EXOC4: variants seen among roughly 807,000 people sequenced by gnomAD.
The protein encoded by EXOC4 is SEC8-like 1.
EXOC4 carries 71 observed loss-of-function variants against 107.2 expected under a neutral mutation model. The observed-to-expected ratio is 0.66, with a 90% CI of 0.55 to 0.81. The LOEUF (loss-of-function observed/expected upper bound fraction) is 0.81, where lower values mean the gene tolerates loss of function less well. EXOC4 is among the 30% of genes least tolerant of loss of function. The probability of loss-of-function intolerance (pLI) is 0.00; values close to 1 mark genes in which losing one functional copy is unlikely to be tolerated. For missense variants in EXOC4, 1,108 were observed against 1,189.6 expected, an observed-to-expected ratio of 0.93 and a Z score of 1.01; for synonymous variants, 456 against 441.2, an observed-to-expected ratio of 1.03 and a Z score of -0.42.
intron 14 of EXOC4, among the ~76,000 whole-genome samples, chr7:133,946,291 A>G (rs1055574725): frequency 6.6e-6 from 1 of 152,168 alleles, no homozygotes; most frequent in African/African-American, 2.4e-5. Context: ...TTTCATGATC[A>G]TGCTGTTGAC....
intron 5 of EXOC4, among the ~76,000 whole-genome samples, chr7:133,329,835 A>C (rs1795337732): frequency 6.6e-6 from 1 of 152,110 alleles, no homozygotes; most frequent in African/African-American, 2.4e-5. Flanking sequence ...TGCCAGCCAG[A>C]GCTCTCCTTT....
chr7:133,708,706 A>T (rs2151093992), intron 10 of EXOC4, among the ~76,000 whole-genome samples: 1 of 152,354 alleles, frequency 6.6e-6, no homozygotes, highest in Admixed American at 6.5e-5. Flanking sequence ...GTTGCTGAAG[A>T]TTACACAGCT....
intron 13 of EXOC4, chr7:133,930,579 G>C (rs1312093229): frequency 6.6e-6 from 1 of 151,738 alleles, no homozygotes; most frequent in Admixed American, 6.6e-5. Context: ...TCTTCTGCTT[G>C]GTACCAAAAA....
intron 10 of EXOC4, among the ~76,000 whole-genome samples, chr7:133,652,688 T>G (rs1464696578): frequency 6.6e-6 from 1 of 152,146 alleles, no homozygotes; most frequent in African/African-American, 2.4e-5. Context: ...CAGCCACAGG[T>G]CAAAGGCCTT....
At chr7:133,805,744 A>G (rs922727038) in intron 10 of EXOC4, among the ~76,000 whole-genome samples, 2 of 152,224 alleles carry the variant, frequency 1.3e-5, no homozygotes, top group African/African-American at 4.8e-5. Flanking sequence ...AAGAGAGAGC[A>G]AGGCATGTTT....
At chr7:133,366,054 T>G (rs1796244238) in intron 6 of EXOC4, among the ~76,000 whole-genome samples, 1 of 152,204 alleles carries the variant, frequency 6.6e-6, no homozygotes, top group South Asian at 2.1e-4. Context: ...GTGTCTTTGC[T>G]TCGTGACCAA....
intron 17 of EXOC4, among the ~76,000 whole-genome samples, chr7:134,052,690 A>G (rs1403335909): frequency 1.3e-5 from 2 of 152,216 alleles, no homozygotes; most frequent in African/African-American, 2.4e-5. Context: ...ATGTGATGTA[A>G]TATTATTTAT....
chr7:133,279,873 A>G (rs1794091868), intron 2 of EXOC4, among the ~76,000 whole-genome samples: 1 of 152,172 alleles, frequency 6.6e-6, no homozygotes, highest in Admixed American at 6.5e-5. Flanking sequence ...TTATATTGGT[A>G]GATTCTATGT....
intron 9 of EXOC4, among the ~76,000 whole-genome samples, chr7:133,570,486 T>C (rs1296662674): frequency 6.6e-6 from 1 of 152,244 alleles, no homozygotes; most frequent in Non-Finnish European, 1.5e-5. Context: ...CAGTGTACCA[T>C]GTGTGATTCT....
chr7:133,404,520 T>C (rs1422323158), intron 7 of EXOC4, among the ~76,000 whole-genome samples: 1 of 152,188 alleles, frequency 6.6e-6, no homozygotes, highest in Non-Finnish European at 1.5e-5. Context: ...TGGGGTCCTT[T>C]CTTTCTTGCC....
chr7:133,389,080 T>C (rs1293707640), intron 7 of EXOC4, among the ~76,000 whole-genome samples: 2 of 152,098 alleles, frequency 1.3e-5, no homozygotes, highest in African/African-American at 4.8e-5. Context: ...AGTAATGTTT[T>C]TAGGATGGTT....
intron 9 of EXOC4, among the ~76,000 whole-genome samples, chr7:133,516,619 G>A (rs1200843882): frequency 1.3e-5 from 2 of 151,920 alleles, no homozygotes; most frequent in African/African-American, 4.8e-5. Flanking sequence ...TGGGTACTAT[G>A]AATAACATTC....
At chr7:133,313,539 C>T (rs1048461088) in intron 4 of EXOC4, among the ~76,000 whole-genome samples, 1 of 152,122 alleles carries the variant, frequency 6.6e-6, no homozygotes, top group Admixed American at 6.5e-5. Flanking sequence ...TTTTTAGTTT[C>T]ACAAAATTAG....
chr7:133,822,389 A>G (rs1204248565), intron 11 of EXOC4, among the ~76,000 whole-genome samples: 1 of 152,172 alleles, frequency 6.6e-6, no homozygotes, highest in African/African-American at 2.4e-5. Context: ...TCTGAAAAAA[A>G]GAGCGAGGGG....
At chr7:133,430,408 C>T (rs536775978) in intron 7 of EXOC4, among the ~76,000 whole-genome samples, 29 of 152,178 alleles carry the variant, frequency 1.9e-4, no homozygotes, top group African/African-American at 6.5e-4. Context: ...TCCAGGCTTG[C>T]GGGTGGGGCC....
At chr7:134,029,160 T>C (rs1178543059) in intron 17 of EXOC4, among the ~76,000 whole-genome samples, 2 of 152,218 alleles carry the variant, frequency 1.3e-5, no homozygotes, top group Non-Finnish European at 2.9e-5. Flanking sequence ...AACATTCTAA[T>C]GTCTTCATTG....
intron 7 of EXOC4, among the ~76,000 whole-genome samples, chr7:133,429,390 T>C (rs1797801867): frequency 1.3e-5 from 2 of 152,214 alleles, no homozygotes; most frequent in African/African-American, 4.8e-5. Flanking sequence ...TGTTACGTAT[T>C]AGGACCTAAA....
At chr7:133,389,175 G>C (rs1225917470) in intron 7 of EXOC4, among the ~76,000 whole-genome samples, 1 of 152,092 alleles carries the variant, frequency 6.6e-6, no homozygotes, top group Non-Finnish European at 1.5e-5. Flanking sequence ...AGTGCAGGAA[G>C]GAAAGGCTAC....
At chr7:133,935,863 T>C (rs753955562) in intron 13 of EXOC4, among the ~76,000 whole-genome samples, 3 of 152,174 alleles carry the variant, frequency 2.0e-5, no homozygotes, top group Non-Finnish European at 2.9e-5. Flanking sequence ...CTTTCTACTT[T>C]CATAATTATT....
Sources: gnomAD v4.1 joint callset for allele counts (sites outside exome capture counted in the v4.1 genomes callset) on GRCh38, gnomAD v4.1.1 for gene constraint, MANE v1.5 for transcripts, NCBI Gene and HGNC (gene_info 2026-07-23, HGNC 2026-07-21) for gene names.